Variants in CLN6 observed in about 807,000 individuals in gnomAD.
The protein encoded by CLN6 is CLN6 transmembrane ER protein.
A neutral mutation model predicts 33.3 loss-of-function variants in CLN6; 22 were observed. The ratio of observed to expected loss-of-function variants is 0.66; its 90% CI spans 0.47 to 0.94. CLN6 has a LOEUF of 0.94. Ranked by LOEUF, CLN6 falls within the 40% of genes least tolerant of loss-of-function variation. The pLI, the probability that CLN6 is intolerant of heterozygous loss-of-function variation, is 0.00. For missense variants in CLN6, 387 were observed against 417.1 expected (o/e 0.93, Z 0.63); for synonymous variants, 201 against 174.6 (o/e 1.15, Z -1.19).
chr15:68,253,535 G>GA (rs1176017408), intron 1 of CLN6, among the ~76,000 whole-genome samples: 1 of 152,154 alleles, frequency 6.6e-6, no homozygotes, highest in East Asian at 1.9e-4. Flanking sequence ...TTGGAGCTGT[G>GA]TTTTTCACCA....
chr15:68,208,087 C>A lies in CLN6; in HGVS notation c.*53G>T, dbSNP rs984903628. On this transcript the variant is annotated 3_prime_UTR_variant, in exon 7 of 7. Transcript: ENST00000249806. The surrounding 1 kb of genome is among the most constrained non-coding windows in gnomAD (Gnocchi z 5.8). ...CCCCCTACTCCTGTATTCAGATGCC[C>A]TCCATGGCCCACCCTCCCACCCAGC... 3.8e-5 allele frequency: 59 copies of A among 1,533,746 alleles called. No homozygotes were observed. The African/African-American group carries it at 6.7e-4, about 18-fold the overall frequency.
chr15:68,253,040 T>A (rs1892395428), intron 1 of CLN6, among the ~76,000 whole-genome samples: 2 of 152,218 alleles, frequency 1.3e-5, no homozygotes, highest in South Asian at 4.1e-4. Flanking sequence ...CATGTTGCAT[T>A]TGTTCTTTTG....
chr15:68,237,301 G>A (rs918915025), intron 1 of CLN6, among the ~76,000 whole-genome samples: 9 of 150,234 alleles, frequency 6.0e-5, no homozygotes, highest in South Asian at 2.1e-4. Flanking sequence ...GCAACATAGC[G>A]AGACCCCTAT....
In CLN6 at chr15:68,209,216, G is replaced by A. The variant is rs1159063552; in HGVS notation, c.665+421C>T. On this transcript the variant is annotated intron_variant, in intron 6 of 6. Transcript: ENST00000249806. This position sits in a 1 kb window ranked among gnomAD's most constrained non-coding sequence, Gnocchi z 4.9. ...TTTACATTTGACAAAGCCCCTCTCT[G>A]TCCTCAGCATCCTCATCATCTGAGA... is the stretch of plus-strand genomic sequence containing the variant. Among the ~76,000 whole-genome samples, 1 of 152,120 alleles carries A rather than the reference G, an allele frequency of 6.6e-6. No individual in the cohort carries two copies. The highest frequency in any genetic ancestry group is 1.5e-5 in the Non-Finnish European group (1 of 68,034).
intron 1 of CLN6, among the ~76,000 whole-genome samples, chr15:68,244,306 A>T (rs1182916909): frequency 6.6e-6 from 1 of 152,134 alleles, no homozygotes; most frequent in Non-Finnish European, 1.5e-5. Flanking sequence ...TCCTAAAAGC[A>T]GCAATATAAA....
rs528304232 is a variant in CLN6, at chr15:68,208,066, C to G, written c.*74G>C. 2.7e-6 allele frequency: 4 copies of G among 1,505,324 alleles called. No homozygotes were observed. Among genetic ancestry groups the G allele is most frequent in the Admixed American group, 3.9e-5 (2 of 51,020 alleles). The allele number at this position is 1,505,324 out of a possible 1,614,324, so 93.2% of individuals were successfully genotyped here. A position where few individuals can be genotyped will look rare whatever the true frequency, so the allele number is the denominator to read the frequency against. The stretch of plus-strand genomic sequence containing the variant: ...CTCTGGTTACACACCCACACCCCCC[C>G]TACTCCTGTATTCAGATGCCCTCCA... On this transcript the variant is annotated 3_prime_UTR_variant, in exon 7 of 7. Transcript: ENST00000249806. The surrounding 1 kb of genome is among the most constrained non-coding windows in gnomAD (Gnocchi z 5.8).
chr15:68,254,038 C>T (rs1025741211), intron 1 of CLN6, among the ~76,000 whole-genome samples: 32 of 152,126 alleles, frequency 2.1e-4, no homozygotes, highest in Admixed American at 2.0e-4. Flanking sequence ...CCACCGCGCC[C>T]GGCTAATTTT....
chr15:68,229,412 G>A, intron 1 of CLN6, 90 bp downstream of exon 1: 1 of 1,066,734 alleles, frequency 9.4e-7, no homozygotes, highest in Non-Finnish European at 1.3e-6. Context: ...CGAGGTTCCC[G>A]CCCGGCAGCC....
At position 68,218,551 on chromosome 15, in the gene CLN6, C is replaced by T; in HGVS notation, c.183G>A (p.Gly61=). 1.9e-6 allele frequency: 3 copies of T among 1,613,634 alleles called. No individual in the cohort carries two copies. The highest frequency in any genetic ancestry group is 2.5e-6 in the Non-Finnish European group (3 of 1,179,614). Residue 61 remains glycine, a synonymous_variant, in exon 2 of 7, where the codon GGG becomes GGA. Coordinates refer to ENST00000249806, the MANE Select transcript of CLN6 (RefSeq NM_017882.3). The stretch of plus-strand genomic sequence containing the variant: ...TCACACTCACCATGGCAATGGGACG[C>T]CCAAAGTCCAGAACCCAGTTCTGCA... ...FTLQNWVLDF[G]RPIAMLVFPL...
chr15:68,227,157 C>T lies in CLN6; in HGVS notation c.83+2345G>A, dbSNP rs1023994274. On this transcript the variant is annotated intron_variant, in intron 1 of 6. Coordinates refer to ENST00000249806, the MANE Select transcript of CLN6 (RefSeq NM_017882.3). The surrounding 1 kb of genome is among the most constrained non-coding windows in gnomAD (Gnocchi z 4.1). ...GGCTCAAGGGATCCTGGTGCCTCAG[C>T]CTCCTGAGTAGCTGGGATTACAGGC... Among the ~76,000 whole-genome samples the T allele has an allele frequency of 3.9e-5, 6 of 152,036 alleles. No individual in the cohort carries two copies. Among genetic ancestry groups the T allele is most frequent in the African/African-American group, 1.5e-4 (6 of 41,374 alleles).
intron 1 of CLN6, among the ~76,000 whole-genome samples, chr15:68,243,830 G>A (rs1018726858): frequency 2.0e-5 from 3 of 151,702 alleles, no homozygotes; most frequent in Non-Finnish European, 4.4e-5. Context: ...TTGGGAGGCT[G>A]AGGTGGGCGG....
At chr15:68,223,633 T>C (rs1595824144) in intron 1 of CLN6, among the ~76,000 whole-genome samples, 2 of 152,112 alleles carry the variant, frequency 1.3e-5, no homozygotes, top group East Asian at 1.9e-4. Flanking sequence ...CTGGAAGTTA[T>C]GTGTACCCAG....
rs762232673 is a variant in CLN6, at chr15:68,211,818, C to T, written c.343G>A (p.Val115Met). The T allele has an allele frequency of 8.7e-6, 14 of 1,613,844 alleles. No homozygotes were observed. Among genetic ancestry groups the T allele is most frequent in the Admixed American group, 5.0e-5 (3 of 60,000 alleles). ...CCCATGATGAAGATGATGATGCTCA[C>T]GTACGTGATGGAGCGTGGCAGGGTG... ...PRTLPRSITY[V>M]SIIIFIMGAS... Residue 115 changes from valine to methionine, a missense_variant, in exon 4 of 7, where the codon GTG becomes ATG. By Grantham distance (21) the Val-to-Met change is conservative. Transcript: ENST00000249806. The surrounding 1 kb of genome is among the most constrained non-coding windows in gnomAD (Gnocchi z 5.9).
chr15:68,251,548 A>C (rs1892378592), intron 1 of CLN6, among the ~76,000 whole-genome samples: 1 of 152,036 alleles, frequency 6.6e-6, no homozygotes, highest in African/African-American at 2.4e-5. Flanking sequence ...GGTGGTGCAC[A>C]CCTGTAATCC....
chr15:68,255,002 C>G, intron 1 of CLN6: 1 of 753,974 alleles, frequency 1.3e-6, no homozygotes, highest in South Asian at 1.4e-5. Context: ...TTTTGTTTTA[C>G]CTTTTTTTTA....
intron 1 of CLN6, among the ~76,000 whole-genome samples, chr15:68,238,332 A>G (rs79128210): frequency 0.02 from 2,993 of 152,000 alleles, 96 homozygotes; most frequent in African/African-American, 0.067. Flanking sequence ...TGAATCAGGG[A>G]GTCAGAGGTT....
At chr15:68,226,749 G>A (rs1017121474) in intron 1 of CLN6, among the ~76,000 whole-genome samples, 1 of 152,182 alleles carries the variant, frequency 6.6e-6, no homozygotes, top group Non-Finnish European at 1.5e-5. Flanking sequence ...ACAGGCATGA[G>A]CCACCACACC....
At chr15:68,254,551 G>A (rs1367753462) in intron 1 of CLN6, 2 of 483,602 alleles carry the variant, frequency 4.1e-6, no homozygotes, top group Non-Finnish European at 7.5e-6. Flanking sequence ...TGAGCAGTGT[G>A]AAAAAGAGGT....
chr15:68,226,043 G>C (rs1168179517), intron 1 of CLN6, among the ~76,000 whole-genome samples: 2 of 151,934 alleles, frequency 1.3e-5, no homozygotes, highest in Non-Finnish European at 2.9e-5. Flanking sequence ...GACTTGGCTG[G>C]GCGCGGTGGC....
Sources: allele counts gnomAD v4.1 joint callset (sites outside exome capture counted in the v4.1 genomes callset), GRCh38; gene constraint gnomAD v4.1.1; non-coding constraint Gnocchi (gnomAD v3.1); transcripts MANE v1.5; gene names NCBI Gene and HGNC (gene_info 2026-07-23, HGNC 2026-07-21).